The following GPRC5D variants were observed in gnomAD, a reference collection of about 807,000 sequenced individuals.
GPRC5D encodes G protein-coupled receptor family C group 5 member D.
Under a neutral mutation model 29.3 loss-of-function variants are expected in GPRC5D, and 20 were observed. The observed-to-expected ratio is 0.68, with a 90% CI of 0.48 to 0.99. The LOEUF is 0.99. Among genes scored for constraint, GPRC5D ranks in the 50% least tolerant of loss-of-function variants. GPRC5D has a pLI of 0.00. For synonymous variants in GPRC5D, 178 were observed against 171.3 expected (o/e 1.04, Z -0.30); for missense variants, 384 against 423.6 (o/e 0.91, Z 0.82).
chr12:12,950,225 A>G (rs769640115), exon 1 of GPRC5D: 1 of 1,614,104 alleles, frequency 6.2e-7, no homozygotes, highest in South Asian at 1.1e-5. Context: ...CACTGGCTGC[A>G]GTCTTGGATC....
intron 1 of GPRC5D, chr12:12,947,001 A>G (rs1000766562): frequency 6.6e-6 from 1 of 152,206 alleles, no homozygotes; most frequent in Non-Finnish European, 1.5e-5. Context: ...AAGAATGACC[A>G]TCTCATTCTC....
chr12:12,945,869 G>T (rs1368272423), intron 1 of GPRC5D, among the ~76,000 whole-genome samples: 1 of 152,184 alleles, frequency 6.6e-6, no homozygotes, highest in Non-Finnish European at 1.5e-5. Flanking sequence ...GAGGCCAACT[G>T]ATTTTTAAAA....
chr12:12,946,098 C>G (rs1044976948), intron 1 of GPRC5D, among the ~76,000 whole-genome samples: 2 of 152,162 alleles, frequency 1.3e-5, no homozygotes, highest in African/African-American at 4.8e-5. Flanking sequence ...TCTTAATCCC[C>G]TTTGCTGATC....
chr12:12,942,234 T>C (rs776056439), intron 2 of GPRC5D, 27 bp downstream of exon 3: 10 of 1,464,710 alleles, frequency 6.8e-6, no homozygotes, highest in Non-Finnish European at 9.6e-6. Flanking sequence ...AAGTCCCTCC[T>C]GGGTGAATAT....
At chr12:12,948,097 A>G (rs753149776) in intron 1 of GPRC5D, 2 of 152,320 alleles carry the variant, frequency 1.3e-5, no homozygotes, top group African/African-American at 4.8e-5. Context: ...GGGGTAAGGA[A>G]TATTGATCAT....
At chr12:12,950,339 A>G in exon 1 of GPRC5D, 1 of 1,612,240 alleles carries the variant, frequency 6.2e-7, no homozygotes, top group East Asian at 2.2e-5. Flanking sequence ...TCGGCGTCAC[A>G]GAGAAGAAAA....
exon 1 of GPRC5D, chr12:12,950,121 A>G: frequency 6.2e-7 from 1 of 1,614,168 alleles, no homozygotes; most frequent in Non-Finnish European, 8.5e-7. Context: ...GTACGGGGGC[A>G]GTTTGTTGAT....
chr12:12,942,310 G>T (rs11055164), exon 2 of GPRC5D: 1 of 1,612,692 alleles, frequency 6.2e-7, no homozygotes, highest in Non-Finnish European at 8.5e-7. Flanking sequence ...ATCCTCCTCA[G>T]CTCCATCACT....
chr12:12,944,405 A>C (rs938445728), intron 1 of GPRC5D: 1 of 152,108 alleles, frequency 6.6e-6, no homozygotes, highest in Admixed American at 6.6e-5. Context: ...TGAGGGTGAC[A>C]AAAAAGAACT....
chr12:12,948,462 T>G (rs942597704), intron 1 of GPRC5D: 1 of 154,382 alleles, frequency 6.5e-6, no homozygotes, highest in Non-Finnish European at 1.5e-5. Context: ...AAAAAGTGTA[T>G]GTACTTAAAA....
chr12:12,950,191 A>G (rs1863457734), exon 1 of GPRC5D: 1 of 1,613,740 alleles, frequency 6.2e-7, no homozygotes. Context: ...CAGGAGGAAG[A>G]GGAGCTGGGT....
chr12:12,945,489 C>T (rs545209138), intron 1 of GPRC5D, among the ~76,000 whole-genome samples: 22 of 152,072 alleles, frequency 1.4e-4, no homozygotes, highest in Admixed American at 1.4e-3. Flanking sequence ...ATTAAAAGAC[C>T]TACTGATTTT....
At chr12:12,946,295 CCTTCCTTCCTTCCTTTTCTTTCTTT>C (rs1863323265) in intron 1 of GPRC5D, among the ~76,000 whole-genome samples, 1 of 54,070 alleles carries the variant, frequency 1.8e-5, no homozygotes, top group South Asian at 6.8e-4. Flanking sequence ...TTCCTTTCTT[CCTTCCTTCCTTCCTTTTCTTTCTTT>C]CTTTCTTTCT....
intron 1 of GPRC5D, among the ~76,000 whole-genome samples, chr12:12,946,477 C>T (rs1027829382): frequency 2.5e-4 from 37 of 150,006 alleles, no homozygotes; most frequent in African/African-American, 8.4e-4. Context: ...TTTCTTTCGA[C>T]GCAGCCTTGC....
At position 12,944,829 on chromosome 12, in the gene GPRC5D, CCTTCCTTCCT is replaced by C. The variant is rs1565477185; in HGVS notation, c.896-2511_896-2502del. On this transcript the variant is annotated intron_variant, in intron 1 of 2. Coordinates refer to ENST00000228887, the Ensembl canonical transcript of GPRC5D. ...TCCTTCCTTCCTTCCTTCCTTCCTT[CCTTCCTTCCT>C]TCCTTCCTTCCTTCTTTCTTTCTTT... is the stretch of plus-strand genomic sequence containing the variant. 1.1e-3 allele frequency among the ~76,000 whole-genome samples: 11 copies of C among 9,660 alleles called. 1 individual carries two copies. Among genetic ancestry groups the C allele is most frequent in the Non-Finnish European group, 1.4e-3 (3 of 2,204 alleles). The allele number at this position is 9,660 out of a possible 152,430, so 6.3% of individuals were successfully genotyped here. A position where few individuals can be genotyped will look rare whatever the true frequency, so the allele number is the denominator to read the frequency against.
chr12:12,949,825 A>T (rs977494822), exon 1 of GPRC5D: 1 of 1,614,104 alleles, frequency 6.2e-7, no homozygotes, highest in Non-Finnish European at 8.5e-7. Flanking sequence ...GGCTTTGGAG[A>T]CGAAGAATGT....
At chr12:12,950,132 T>A (rs1019592718) in exon 1 of GPRC5D, 5 of 1,614,092 alleles carry the variant, frequency 3.1e-6, no homozygotes, top group Non-Finnish European at 4.2e-6. Flanking sequence ...GTTTGTTGAT[T>A]GAGCTCGATG....
chr12:12,941,862 C>T (rs1022500204), intron 2 of GPRC5D, among the ~76,000 whole-genome samples: 5 of 152,156 alleles, frequency 3.3e-5, no homozygotes, highest in Non-Finnish European at 7.4e-5. Context: ...CAGTGGGGCT[C>T]AGGTGATAGG....
chr12:12,949,441 TTC>T lies in GPRC5D; in HGVS notation c.895+47_895+48del, dbSNP rs755558555. Reference sequence around the variant, plus strand: ...TCCTACTGCATGATTTTTCTCCTGCTTCTCCTGTAGGAGCACCTCCCTGCTCC... The same window carrying T: ...TCCTACTGCATGATTTTTCTCCTGCTTCCTGTAGGAGCACCTCCCTGCTCC... On this transcript the variant is annotated intron_variant, in intron 1 of 2. Transcript: ENST00000228887. The T allele has an allele frequency of 8.0e-6, 12 of 1,491,522 alleles. No individual in the cohort carries two copies. The East Asian group carries it at 2.7e-4, about 34-fold the overall frequency. The allele number at this position is 1,491,522 out of a possible 1,614,324, so 92.4% of individuals were successfully genotyped here. A position where few individuals can be genotyped will look rare whatever the true frequency, so the allele number is the denominator to read the frequency against.
Sources: allele counts gnomAD v4.1 joint callset (sites outside exome capture counted in the v4.1 genomes callset), GRCh38; gene constraint gnomAD v4.1.1; transcripts MANE v1.5; gene names NCBI Gene and HGNC (gene_info 2026-07-23, HGNC 2026-07-21).